The following MYLK variants were observed in gnomAD, a reference collection of about 807,000 sequenced individuals.
The protein encoded by MYLK is myosin light chain kinase, smooth muscle.
A neutral mutation model predicts 203.4 loss-of-function variants in MYLK; 106 were observed. The ratio of observed to expected loss-of-function variants is 0.52; its 90% CI spans 0.45 to 0.61. The LOEUF (loss-of-function observed/expected upper bound fraction) is 0.61, where lower values mean the gene tolerates loss of function less well. Ranked by LOEUF, MYLK falls within the 20% of genes least tolerant of loss-of-function variation. The pLI is 0.00. For missense variants in MYLK, 2,072 were observed against 2,442.3 expected (o/e 0.85, Z 3.20); for synonymous variants, 867 against 959.5 (o/e 0.90, Z 1.78).
At chr3:123,867,181 T>A (rs2148702370) in intron 2 of MYLK, among the ~76,000 whole-genome samples, 1 of 152,032 alleles carries the variant, frequency 6.6e-6, no homozygotes, top group Non-Finnish European at 1.5e-5. Context: ...TCCATAATTT[T>A]CTCCACCAAC....
At chr3:123,658,758 C>A (rs1002636700) in intron 23 of MYLK, among the ~76,000 whole-genome samples, 1 of 152,212 alleles carries the variant, frequency 6.6e-6, no homozygotes, top group African/African-American at 2.4e-5. Flanking sequence ...AGGCCAAAGG[C>A]AATGGCTGCA....
At chr3:123,725,913 G>A (rs2062262272) in intron 12 of MYLK, 31 bp downstream of exon 12, 15 of 1,609,524 alleles carry the variant, frequency 9.3e-6, no homozygotes, top group Non-Finnish European at 1.3e-5. Flanking sequence ...CCAGGGGATG[G>A]GAGCAGAGAG....
rs141381505 is a variant in MYLK at position 123,873,149 on chromosome 3, C to T, written c.-127+3410G>A. Among the ~76,000 whole-genome samples, 1,063 of 152,276 alleles carry T rather than the reference C, an allele frequency of 7.0e-3. 7 individuals carry two copies. Among genetic ancestry groups the T allele is most frequent in the South Asian group, 0.018 (89 of 4,820 alleles). The stretch of plus-strand genomic sequence containing the variant: ...ATATATATTTATTATTTTTCTCACA[C>T]TGCCCTTTGTGAAAAAGTTTGCCAA... On this transcript the variant is annotated intron_variant, in intron 2 of 33. Coordinates refer to ENST00000360304, the MANE Select transcript of MYLK (RefSeq NM_053025.4).
intron 20 of MYLK, among the ~76,000 whole-genome samples, chr3:123,669,376 C>T (rs370383682): frequency 1.3e-5 from 2 of 152,010 alleles, no homozygotes. Context: ...GAAATCAGGC[C>T]TCAAGGTCTT....
chr3:123,704,678 C>T (rs1576646244), intron 16 of MYLK, among the ~76,000 whole-genome samples: 1 of 145,552 alleles, frequency 6.9e-6, no homozygotes. Flanking sequence ...CTGAGGTGGG[C>T]GAATCATGAG....
intron 2 of MYLK, among the ~76,000 whole-genome samples, chr3:123,836,401 AC>A (rs2066476240): frequency 6.6e-6 from 1 of 152,168 alleles, no homozygotes; most frequent in Non-Finnish European, 1.5e-5. Context: ...TTTTATACCC[AC>A]TTTTTCTTAA....
intron 28 of MYLK, chr3:123,638,721 A>G (rs2058732066): frequency 1.0e-6 from 1 of 984,224 alleles, no homozygotes; most frequent in Non-Finnish European, 1.2e-6. Context: ...CTCCTGAGCC[A>G]TGCTTACCAC....
chr3:123,868,354 T>C (rs1215286463), intron 2 of MYLK, among the ~76,000 whole-genome samples: 1 of 152,224 alleles, frequency 6.6e-6, no homozygotes, highest in African/African-American at 2.4e-5. Flanking sequence ...CAAAGATCAT[T>C]ATAACAGTGT....
intron 3 of MYLK, among the ~76,000 whole-genome samples, chr3:123,813,531 G>C (rs2065634567): frequency 6.7e-6 from 1 of 149,312 alleles, no homozygotes; most frequent in South Asian, 2.1e-4. Context: ...TTTTTTTTGA[G>C]ATGGAGTCTC....
chr3:123,838,512 T>A (rs1052102064), intron 2 of MYLK, among the ~76,000 whole-genome samples: 24 of 152,168 alleles, frequency 1.6e-4, no homozygotes, highest in African/African-American at 5.3e-4. Context: ...AAGACATTTT[T>A]TAAAATGTTT....
chr3:123,757,430 C>T (rs2063391853), intron 4 of MYLK, among the ~76,000 whole-genome samples: 2 of 152,112 alleles, frequency 1.3e-5, no homozygotes, highest in Non-Finnish European at 2.9e-5. Flanking sequence ...CACTACAAAC[C>T]CACACAGCTG....
intron 3 of MYLK, among the ~76,000 whole-genome samples, chr3:123,829,524 T>TC (rs1280698277): frequency 1.3e-5 from 2 of 152,184 alleles, no homozygotes; most frequent in Admixed American, 1.3e-4. Context: ...GTTCTACTGT[T>TC]CTATACCATG....
intron 19 of MYLK, among the ~76,000 whole-genome samples, chr3:123,684,553 CT>C (rs754367975): frequency 1.5e-4 from 23 of 150,354 alleles, no homozygotes; most frequent in African/African-American, 3.2e-4. Flanking sequence ...TGTTTGGCCC[CT>C]TTTTTTTTTT....
chr3:123,684,836 C>T (rs1369869196), intron 19 of MYLK, among the ~76,000 whole-genome samples: 2 of 152,226 alleles, frequency 1.3e-5, no homozygotes, highest in African/African-American at 2.4e-5. Context: ...GCACCCGGCC[C>T]TTCTTAAGGA....
intron 32 of MYLK, among the ~76,000 whole-genome samples, chr3:123,619,706 C>T (rs2057736775): frequency 6.6e-6 from 1 of 152,066 alleles, no homozygotes; most frequent in Admixed American, 6.5e-5. Context: ...CCCAGTCTGC[C>T]CAGTTCAAAT....
intron 29 of MYLK, among the ~76,000 whole-genome samples, chr3:123,633,399 G>GT (rs1249784706): frequency 1.3e-5 from 2 of 151,706 alleles, no homozygotes; most frequent in African/African-American, 4.8e-5. Flanking sequence ...AGGGCTGGGA[G>GT]TATAAGCATG....
intron 3 of MYLK, among the ~76,000 whole-genome samples, chr3:123,794,866 T>G (rs1026866876): frequency 6.6e-6 from 1 of 152,226 alleles, no homozygotes. Flanking sequence ...CAAGCACTTT[T>G]TATATTATCT....
At chr3:123,688,815 G>A (rs935739450) in intron 19 of MYLK, among the ~76,000 whole-genome samples, 5 of 152,000 alleles carry the variant, frequency 3.3e-5, no homozygotes, top group African/African-American at 9.7e-5. Flanking sequence ...CTGTTCAAAT[G>A]TTCCTTCCTC....
intron 31 of MYLK, chr3:123,624,966 TC>T (rs2058064554): frequency 6.6e-6 from 1 of 152,320 alleles, no homozygotes; most frequent in South Asian, 2.1e-4. Flanking sequence ...TGACCAGTGT[TC>T]CAGTTGCCTC....
Sources: allele counts gnomAD v4.1 joint callset (sites outside exome capture counted in the v4.1 genomes callset), GRCh38; gene constraint gnomAD v4.1.1; transcripts MANE v1.5; gene names NCBI Gene and HGNC (gene_info 2026-07-23, HGNC 2026-07-21).